Variants in DDX46 observed in about 807,000 individuals in gnomAD.
The protein encoded by DDX46 is probable ATP-dependent RNA helicase DDX46.
Under a neutral mutation model 134.9 loss-of-function variants are expected in DDX46, and 30 were observed. That is an observed-to-expected ratio of 0.22 (90% CI 0.17 to 0.30). The LOEUF (loss-of-function observed/expected upper bound fraction) is 0.30, where lower values mean the gene tolerates loss of function less well. Among genes scored for constraint, DDX46 ranks in the 10% least tolerant of loss-of-function variants. DDX46 has a pLI of 1.00. For missense variants in DDX46, 622 were observed against 1,248.7 expected (o/e 0.50, Z 7.56); for synonymous variants, 415 against 404.1 (o/e 1.03, Z -0.32).
intron 5 of DDX46, among the ~76,000 whole-genome samples, chr5:134,776,972 G>A (rs1288843274): frequency 6.6e-6 from 1 of 151,064 alleles, no homozygotes; most frequent in Non-Finnish European, 1.5e-5. Context: ...CAGCACTTTG[G>A]GAGGCCGAGG....
At chr5:134,791,366 C>T (rs1754497763) in intron 13 of DDX46, among the ~76,000 whole-genome samples, 1 of 152,094 alleles carries the variant, frequency 6.6e-6, no homozygotes, top group Admixed American at 6.6e-5. Context: ...CGAGACCATC[C>T]TGGCTTTCAC....
At chr5:134,778,020 C>CTTTT in intron 6 of DDX46, 1 of 150,478 alleles carries the variant, frequency 6.6e-6, no homozygotes, top group Non-Finnish European at 1.4e-5. Flanking sequence ...CTTTGATACT[C>CTTTT]TTTTTTTTTT....
intron 12 of DDX46, 183 bp from the exon 13 acceptor site, chr5:134,790,287 C>T: frequency 1.6e-6 from 1 of 634,340 alleles, no homozygotes; most frequent in Non-Finnish European, 2.8e-6. Flanking sequence ...AAGTATTTGC[C>T]ACTAGATTAA....
In DDX46 at chr5:134,830,984, T is replaced by A. The variant is rs1304570635; in HGVS notation, c.*2278T>A. 1 of 152,670 alleles carries A rather than the reference T, an allele frequency of 6.6e-6. No individual in the cohort carries two copies. Among genetic ancestry groups the A allele is most frequent in the Non-Finnish European group, 1.5e-5 (1 of 68,046 alleles). 9.5% of individuals were successfully genotyped at this position (152,670 alleles called of 1,614,324 possible). On this transcript the variant is annotated 3_prime_UTR_variant, in exon 23 of 23. Transcript: ENST00000452510. ...AATTTTGTTCTAAAATGAAACATAT[T>A]ACTTTGTTAGTACATTTTTTAGTGT...
At chr5:134,762,927 CG>C (rs965003266) in intron 1 of DDX46, among the ~76,000 whole-genome samples, 4 of 151,502 alleles carry the variant, frequency 2.6e-5, no homozygotes, top group Non-Finnish European at 5.9e-5. Context: ...GGCGTAATGG[CG>C]GACGCCTATA....
At chr5:134,817,780 A>C in intron 20 of DDX46, 66 bp downstream of exon 20, 7 of 1,371,894 alleles carry the variant, frequency 5.1e-6, no homozygotes, top group Non-Finnish European at 6.0e-6. Flanking sequence ...GAAAAATCTC[A>C]TCTTTAAAAC....
At chr5:134,802,159 C>CTTTT (rs542615882) in intron 15 of DDX46, among the ~76,000 whole-genome samples, 1,045 of 72,772 alleles carry the variant, frequency 0.014, no homozygotes, top group Non-Finnish European at 0.019. Context: ...TAATTTCTTT[C>CTTTT]TTTTTTTTTT....
intron 17 of DDX46, 86 bp downstream of exon 17, chr5:134,811,444 A>G (rs1755138974): frequency 1.3e-6 from 2 of 1,511,362 alleles, no homozygotes; most frequent in South Asian, 2.6e-5. Flanking sequence ...CTTTTATTTA[A>G]CACTTGAAAA....
chr5:134,761,868 A>AT (rs1428483612), intron 1 of DDX46, among the ~76,000 whole-genome samples: 1 of 152,132 alleles, frequency 6.6e-6, no homozygotes, highest in Non-Finnish European at 1.5e-5. Context: ...GATGATTGCT[A>AT]TAGTGCTGGT....
chr5:134,781,044 T>TA (rs1754137308), intron 6 of DDX46, 89 bp from the exon 7 acceptor site: 1 of 908,634 alleles, frequency 1.1e-6, no homozygotes, highest in Non-Finnish European at 1.6e-6. Context: ...AAACTAAAGA[T>TA]GAAATTGTGT....
intron 15 of DDX46, among the ~76,000 whole-genome samples, chr5:134,801,356 T>G (rs1754822933): frequency 6.6e-6 from 1 of 152,126 alleles, no homozygotes; most frequent in African/African-American, 2.4e-5. Context: ...CTTAATAACT[T>G]TGATATGCAT....
chr5:134,827,844 A>T (rs74763020), intron 22 of DDX46, among the ~76,000 whole-genome samples: 2,081 of 152,244 alleles, frequency 0.014, 59 homozygotes, highest in African/African-American at 0.048. Context: ...ACATTATTCC[A>T]TGTGCGTTTG....
intron 12 of DDX46, among the ~76,000 whole-genome samples, chr5:134,789,652 C>A (rs1203522397): frequency 6.6e-6 from 1 of 151,712 alleles, no homozygotes; most frequent in African/African-American, 2.4e-5. Context: ...ATTAATTTTA[C>A]CTTTTTCTCT....
At chr5:134,790,712 T>C (rs998140761) in intron 13 of DDX46, among the ~76,000 whole-genome samples, 160 bp downstream of exon 13, 1 of 152,238 alleles carries the variant, frequency 6.6e-6, no homozygotes, top group African/African-American at 2.4e-5. Flanking sequence ...TACATATTTA[T>C]GTTTCAGATT....
chr5:134,764,071 C>T lies in DDX46; in HGVS notation c.185C>T (p.Ser62Leu), dbSNP rs1201523618. ...AGCAGGGATAAAAGAAGATCTCGGT[C>T]AAGGGACAGGAAGCGTCTGAGGTAA... is the stretch of plus-strand genomic sequence containing the variant. ...SRSRDKRRSR[S>L]RDRKRLRRSR... The change falls in exon 2 of 23, where the codon TCA (serine) becomes TTA (leucine). Residue 62 changes from serine (S) to leucine (L), a missense_variant. Physicochemically the swap from Ser to Leu is moderately radical, Grantham distance 145. Coordinates refer to ENST00000452510, the MANE Select transcript of DDX46 (RefSeq NM_001300860.2). 1.2e-6 allele frequency: 2 copies of T among 1,612,914 alleles called. No homozygotes were observed. The highest frequency in any genetic ancestry group is 1.7e-6 in the Non-Finnish European group (2 of 1,179,570).
intron 14 of DDX46, among the ~76,000 whole-genome samples, chr5:134,795,602 A>G (rs1030939939): frequency 3.9e-5 from 6 of 152,204 alleles, no homozygotes; most frequent in African/African-American, 1.4e-4. Flanking sequence ...ATGGTGACTC[A>G]TGCCTGTAAT....
At chr5:134,793,445 T>G (rs1754565327) in intron 13 of DDX46, among the ~76,000 whole-genome samples, 1 of 152,144 alleles carries the variant, frequency 6.6e-6, no homozygotes, top group South Asian at 2.1e-4. Context: ...AGACAGAGTT[T>G]CACTCTGTCA....
chr5:134,778,666 C>G (rs1754029520), intron 6 of DDX46, among the ~76,000 whole-genome samples: 1 of 151,906 alleles, frequency 6.6e-6, no homozygotes, highest in East Asian at 1.9e-4. Context: ...TGCTGCCTCC[C>G]AAGTTCAAGC....
intron 18 of DDX46, among the ~76,000 whole-genome samples, chr5:134,813,784 A>G (rs1755213381): frequency 6.6e-6 from 1 of 151,142 alleles, no homozygotes; most frequent in Admixed American, 6.6e-5. Flanking sequence ...CTGTTAATAT[A>G]TATTTTAAAA....
Sources: gnomAD v4.1 joint callset for allele counts (sites outside exome capture counted in the v4.1 genomes callset) on GRCh38, gnomAD v4.1.1 for gene constraint, MANE v1.5 for transcripts, NCBI Gene and HGNC (gene_info 2026-07-23, HGNC 2026-07-21) for gene names.